The following HYAL4 variants were observed in gnomAD, a reference collection of about 807,000 sequenced individuals.
HYAL4 encodes hyaluronidase 4.
HYAL4 carries 37 observed loss-of-function variants against 35.2 expected under a neutral mutation model. That is an observed-to-expected ratio of 1.05 (90% CI 0.81 to 1.38). The LOEUF (loss-of-function observed/expected upper bound fraction) is 1.38, where lower values mean the gene tolerates loss of function less well. HYAL4 is among the 40% of genes most tolerant of loss of function. The pLI is 0.00. For synonymous variants in HYAL4, 198 were observed against 203.2 expected (o/e 0.97, Z 0.22); for missense variants, 572 against 572.4 (o/e 1.00, Z 0.01).
the HYAL4 span, among the ~76,000 whole-genome samples, chr7:123,789,332 A>G: frequency 8.5e-5 from 13 of 152,218 alleles, no homozygotes; most frequent in African/African-American, 2.7e-4. Context: ...GGGTCAGCTT[A>G]GAAGGGTCAT....
chr7:123,827,084 G>T (rs2116902078), upstream of HYAL4, among the ~76,000 whole-genome samples: 1 of 152,208 alleles, frequency 6.6e-6, no homozygotes, highest in Middle Eastern at 3.4e-3. Flanking sequence ...ATAAGGTCTG[G>T]GTGGTACACA....
the HYAL4 span, among the ~76,000 whole-genome samples, chr7:123,821,195 G>A: frequency 1.1e-4 from 16 of 152,152 alleles, no homozygotes; most frequent in East Asian, 1.9e-4. Context: ...GAATCATATA[G>A]TAGTTATTAT....
the HYAL4 span, among the ~76,000 whole-genome samples, chr7:123,795,602 G>A: frequency 6.6e-6 from 1 of 152,128 alleles, no homozygotes; most frequent in African/African-American, 2.4e-5. Flanking sequence ...AACACTTCTT[G>A]TTGCCACCCT....
At chr7:123,852,078 AT>A (rs1385597810) in intron 2 of HYAL4, among the ~76,000 whole-genome samples, 1 of 151,934 alleles carries the variant, frequency 6.6e-6, no homozygotes, top group Non-Finnish European at 1.5e-5. Context: ...CCACTTTTTG[AT>A]GGGGTTGTTT....
rs1173705701 is a variant in HYAL4 at position 123,877,329 on chromosome 7, A to G, written c.*174A>G. The stretch of plus-strand genomic sequence containing the variant: ...TATTTTATTTGCCTCCAGTCTGGCT[A>G]GGAAACCAGATCTGGGGTAAAGTCA... On this transcript the variant is annotated 3_prime_UTR_variant, in exon 5 of 5. Transcript: ENST00000223026. 1 of 634,856 alleles carries G rather than the reference A, an allele frequency of 1.6e-6. No individual in the cohort carries two copies. Among genetic ancestry groups the G allele is most frequent in the Non-Finnish European group, 2.6e-6 (1 of 385,520 alleles). 39.3% of individuals were successfully genotyped at this position (634,856 alleles called of 1,614,324 possible).
At chr7:123,778,592 A>C in the HYAL4 span, among the ~76,000 whole-genome samples, 5 of 151,740 alleles carry the variant, frequency 3.3e-5, no homozygotes, top group African/African-American at 1.2e-4. Context: ...TTTCCTAGTG[A>C]TGAGATGCAG....
At position 123,877,470 on chromosome 7, in the gene HYAL4, C is replaced by T. The variant is rs1169255518; in HGVS notation, c.*315C>T. 1 of 199,210 alleles carries T rather than the reference C, an allele frequency of 5.0e-6. No homozygotes were observed. Among genetic ancestry groups the T allele is most frequent in the Non-Finnish European group, 1.0e-5 (1 of 97,670 alleles). The allele number at this position is 199,210 out of a possible 1,614,324, so 12.3% of individuals were successfully genotyped here. A position where few individuals can be genotyped will look rare whatever the true frequency, so the allele number is the denominator to read the frequency against. On this transcript the variant is annotated 3_prime_UTR_variant, in exon 5 of 5. Transcript: ENST00000223026. ...TTATACATAAAAATATTAAATTATT[C>T]ATTTCAAAGACTGTTTTTTCAAGTT...
At chr7:123,838,581 C>T (rs1267201931) in intron 1 of HYAL4, among the ~76,000 whole-genome samples, 4 of 151,768 alleles carry the variant, frequency 2.6e-5, no homozygotes, top group Admixed American at 6.6e-5. Flanking sequence ...TTTCCTTCAT[C>T]GTAACTTTAG....
At chr7:123,809,036 A>G in the HYAL4 span, among the ~76,000 whole-genome samples, 7 of 152,230 alleles carry the variant, frequency 4.6e-5, no homozygotes, top group Non-Finnish European at 1.0e-4. Context: ...ACCACTGACA[A>G]GAAGGAGGAT....
the HYAL4 span, among the ~76,000 whole-genome samples, chr7:123,766,781 GATGATAGTTATA>G: frequency 6.6e-6 from 1 of 152,082 alleles, no homozygotes; most frequent in East Asian, 1.9e-4. Context: ...TTTGTTTTCT[GATGATAGTTATA>G]AAATAACATA....
the HYAL4 span, among the ~76,000 whole-genome samples, chr7:123,797,398 A>C: frequency 6.6e-6 from 1 of 152,252 alleles, no homozygotes; most frequent in African/African-American, 2.4e-5. Context: ...CTTTTAGTCA[A>C]ATAAAACTCC....
the HYAL4 span, among the ~76,000 whole-genome samples, chr7:123,778,785 C>G: frequency 6.6e-6 from 1 of 152,156 alleles, no homozygotes; most frequent in African/African-American, 2.4e-5. Context: ...TAGAGAGACA[C>G]TTTGACAATT....
chr7:123,776,732 T>A, the HYAL4 span, among the ~76,000 whole-genome samples: 3 of 152,164 alleles, frequency 2.0e-5, no homozygotes, highest in East Asian at 5.8e-4. Flanking sequence ...GGCACCATTT[T>A]CATGAGGGAA....
exon 1 of HYAL4, chr7:123,828,986 C>T (rs1805841059): frequency 6.6e-6 from 1 of 152,642 alleles, no homozygotes; most frequent in African/African-American, 2.4e-5. Flanking sequence ...AGCAATCTAT[C>T]CGAGGGCCTT....
In HYAL4 at chr7:123,874,796, C is replaced by CTTG; in HGVS notation, c.991_993dup (p.Leu331dup). On this transcript the variant is annotated inframe_insertion, in exon 4 of 5. Transcript: ENST00000223026. ...TCAGCACCATAGGAGAAAGTGCTGCCTTGGGAGCTGCAGGCATTGTTATTT... is the reference window on the plus strand; with the variant it reads ...TCAGCACCATAGGAGAAAGTGCTGCCTTGTTGGGAGCTGCAGGCATTGTTATTT... 6.2e-7 allele frequency: 1 copy of CTTG among 1,610,676 alleles called. No individual in the cohort carries two copies. The highest frequency in any genetic ancestry group is 1.3e-5 in the African/African-American group (1 of 74,972).
the HYAL4 span, among the ~76,000 whole-genome samples, chr7:123,821,789 A>G: frequency 2.0e-5 from 3 of 152,304 alleles, no homozygotes; most frequent in African/African-American, 7.2e-5. Flanking sequence ...CTAATGTTAA[A>G]TAAGTCTTTA....
At chr7:123,849,377 T>G (rs1262629539) in intron 2 of HYAL4, among the ~76,000 whole-genome samples, 1 of 151,896 alleles carries the variant, frequency 6.6e-6, no homozygotes, top group Non-Finnish European at 1.5e-5. Context: ...CTTGGCTCAC[T>G]GCAACTTCTG....
At chr7:123,805,513 T>C in the HYAL4 span, among the ~76,000 whole-genome samples, 1 of 152,032 alleles carries the variant, frequency 6.6e-6, no homozygotes, top group African/African-American at 2.4e-5. Flanking sequence ...ATGTAAAGTG[T>C]GAATAACAGT....
chr7:123,772,891 A>G, the HYAL4 span, among the ~76,000 whole-genome samples: 2 of 152,246 alleles, frequency 1.3e-5, no homozygotes, highest in African/African-American at 4.8e-5. Flanking sequence ...CTGTTAGCAG[A>G]TGTTACAGTT....
Sources: allele counts gnomAD v4.1 joint callset (sites outside exome capture counted in the v4.1 genomes callset), GRCh38; gene constraint gnomAD v4.1.1; transcripts MANE v1.5; gene names NCBI Gene and HGNC (gene_info 2026-07-23, HGNC 2026-07-21).